The following FGFR1 variants were observed in gnomAD, a reference collection of about 807,000 sequenced individuals.
FGFR1 encodes the protein FGFR1/PLAG1 fusion.
FGFR1 carries 18 observed loss-of-function variants against 93.7 expected under a neutral mutation model. The observed-to-expected ratio is 0.19, with a 90% confidence interval of 0.13 to 0.28. The LOEUF (loss-of-function observed/expected upper bound fraction) is 0.28, where lower values mean the gene tolerates loss of function less well. Among genes scored for constraint, FGFR1 ranks in the 10% least tolerant of loss-of-function variants. The pLI is 1.00. For synonymous variants in FGFR1, 448 were observed against 429.3 expected (o/e 1.04, Z -0.54); for missense variants, 731 against 1,080.4 (o/e 0.68, Z 4.53).
At chr8:38,418,508 G>C (rs1423004663) in intron 9 of FGFR1, 135 bp from the exon 10 acceptor site, 1 of 1,132,394 alleles carries the variant, frequency 8.8e-7, no homozygotes, top group African/African-American at 1.5e-5. Context: ...AACACAGAGT[G>C]GTCCAAAGAC....
intron 2 of FGFR1, among the ~76,000 whole-genome samples, chr8:38,445,962 C>A (rs1053177857): frequency 6.6e-6 from 1 of 152,020 alleles, no homozygotes; most frequent in Non-Finnish European, 1.5e-5. Context: ...GGAAAATAAA[C>A]CTTAATTCCA....
chr8:38,422,953 T>G, intron 7 of FGFR1: 1 of 753,954 alleles, frequency 1.3e-6, no homozygotes, highest in Non-Finnish European at 2.5e-6. Flanking sequence ...AGTACTGGCT[T>G]CCCCGCCTGC....
intron 1 of FGFR1, chr8:38,465,867 G>C (rs1246985997): frequency 4.5e-6 from 1 of 223,210 alleles, no homozygotes; most frequent in Non-Finnish European, 8.9e-6. Flanking sequence ...GCAAAGGGTA[G>C]GGCACATCTG....
intron 12 of FGFR1, among the ~76,000 whole-genome samples, chr8:38,416,500 A>G (rs370352629): frequency 5.4e-5 from 7 of 129,018 alleles, no homozygotes; most frequent in African/African-American, 1.8e-4. Flanking sequence ...TCGTTGCCCA[A>G]GCTGGAGTGC....
chr8:38,424,743 C>T lies in FGFR1; in HGVS notation c.746-44G>A. On this transcript the variant is annotated intron_variant, in intron 6 of 17. Transcript: ENST00000447712. This position sits in a 1 kb window ranked among gnomAD's most constrained non-coding sequence, Gnocchi z 4.3. ...GAGGCACTTGTCATGGGGACCTTGC[C>T]ATGGCTAAAGAGGGGTGGGCTCACC... 6.3e-7 allele frequency: 1 copy of T among 1,593,374 alleles called. No homozygotes were observed. Among genetic ancestry groups the T allele is most frequent in the Non-Finnish European group, 8.6e-7 (1 of 1,166,254 alleles).
At chr8:38,433,575 T>A (rs1218463951) in intron 2 of FGFR1, among the ~76,000 whole-genome samples, 1 of 152,158 alleles carries the variant, frequency 6.6e-6, no homozygotes, top group Admixed American at 6.5e-5. Flanking sequence ...CCTTGCATCT[T>A]CAGTTAGCAA....
Position 38,429,248 on chromosome 8 carries a change from T to A in FGFR1, c.358+434A>T. On this transcript the variant is annotated intron_variant, in intron 3 of 17. Transcript: ENST00000447712. The surrounding 1 kb of genome is among the most constrained non-coding windows in gnomAD (Gnocchi z 4.4). ...TCGCACAGCTCCCTTGCGGTGCACC[T>A]GGGTTCCTCTCCAGCAGAGCAGGGA... The A allele has an allele frequency of 8.3e-6, 4 of 482,600 alleles. No homozygotes were observed. Among genetic ancestry groups the A allele is most frequent in the Non-Finnish European group, 1.6e-5 (4 of 243,314 alleles). 29.9% of individuals were successfully genotyped at this position (482,600 alleles called of 1,614,324 possible). A position where few individuals can be genotyped will look rare whatever the true frequency, so the allele number is the denominator to read the frequency against.
rs923197183 is a variant in FGFR1 at position 38,412,479 on chromosome 8, C to T, written c.*1149G>A. The T allele has an allele frequency of 4.3e-6, 1 of 232,760 alleles. No individual in the cohort carries two copies. The highest frequency in any genetic ancestry group is 2.2e-5 in the African/African-American group (1 of 45,324). The allele number at this position is 232,760 out of a possible 1,614,324, so 14.4% of individuals were successfully genotyped here. A position where few individuals can be genotyped will look rare whatever the true frequency, so the allele number is the denominator to read the frequency against. ...ATGGCTGCTGGGCCTTGACTCTCTG[C>T]CCAGCGCCTCTACTGCATGGATGGG... On this transcript the variant is annotated 3_prime_UTR_variant, in exon 18 of 18. Transcript: ENST00000447712.
chr8:38,441,404 A>AT (rs1420257310), intron 2 of FGFR1, among the ~76,000 whole-genome samples: 2 of 152,164 alleles, frequency 1.3e-5, no homozygotes, highest in Non-Finnish European at 2.9e-5. Flanking sequence ...TAATTAAGTG[A>AT]TTAACAAAGG....
rs17182148 is a variant in FGFR1 at position 38,458,602 on chromosome 8, G to C, written c.-88-1068C>G. ...CATCTAGGGCCAACCAGTCCCTCTG[G>C]TGAGAAATAAGGGGCAATGAAGAAT... On this transcript the variant is annotated intron_variant, in intron 1 of 17. Transcript: ENST00000447712. Among the ~76,000 whole-genome samples the C allele has an allele frequency of 4.3e-3, 659 of 152,224 alleles. 4 individuals are homozygous for C. Among genetic ancestry groups the C allele is most frequent in the Admixed American group, 7.3e-3 (111 of 15,282 alleles).
chr8:38,468,456 C>G lies in FGFR1; in HGVS notation c.-564G>C, dbSNP rs1475659887. ...GCGGCGCGCTCGCGGCCGGGGAAGG[C>G]GAGGTCGCCGCAATGCGCTACGAGG... On this transcript the variant is annotated 5_prime_UTR_variant, in exon 1 of 18. Transcript: ENST00000447712. The G allele has an allele frequency of 4.4e-6, 1 of 228,592 alleles. No individual in the cohort carries two copies. The highest frequency in any genetic ancestry group is 8.7e-6 in the Non-Finnish European group (1 of 114,968). The allele number at this position is 228,592 out of a possible 1,614,324, so 14.2% of individuals were successfully genotyped here.
intron 2 of FGFR1, among the ~76,000 whole-genome samples, chr8:38,436,603 G>C (rs1825522398): frequency 6.6e-6 from 1 of 151,966 alleles, no homozygotes; most frequent in Non-Finnish European, 1.5e-5. Context: ...GCTCCTTTTA[G>C]TGCGAGTGAC....
chr8:38,421,765 A>C, intron 8 of FGFR1, 32 bp downstream of exon 8: 1 of 1,613,224 alleles, frequency 6.2e-7, no homozygotes, highest in Non-Finnish European at 8.5e-7. Context: ...TGGCGAGGGC[A>C]GGACATCGAG....
intron 2 of FGFR1, among the ~76,000 whole-genome samples, chr8:38,442,898 G>A (rs555056621): frequency 2.6e-5 from 4 of 152,276 alleles, no homozygotes; most frequent in Admixed American, 2.0e-4. Context: ...CCATATCCCC[G>A]CAATCCCGTC....
chr8:38,436,209 T>C (rs1052994450), intron 2 of FGFR1, among the ~76,000 whole-genome samples: 1 of 152,052 alleles, frequency 6.6e-6, no homozygotes, highest in Non-Finnish European at 1.5e-5. Flanking sequence ...ACCCTGTCTC[T>C]GCGAAAAATA....
intron 2 of FGFR1, among the ~76,000 whole-genome samples, chr8:38,439,280 T>C (rs573652500): frequency 6.6e-6 from 1 of 152,160 alleles, no homozygotes; most frequent in Admixed American, 6.5e-5. Flanking sequence ...CATGGGGTGA[T>C]GAGGGGTGGC....
Position 38,457,374 on chromosome 8 carries a change from G to C in FGFR1, c.73C>G (p.Pro25Ala), listed in dbSNP as rs1833137533. 1.2e-6 allele frequency: 2 copies of C among 1,613,580 alleles called. No homozygotes were observed. Among genetic ancestry groups the C allele is most frequent in the East Asian group, 4.5e-5 (2 of 44,868 alleles). ...TATLCTARPS[P>A]TLPEQAQPWG... Reference sequence around the variant, plus strand: ...ACCTTACCTTGTTCAGGCAAGGTCGGGGACGGCCTAGCGGTGCAGAGTGTG... The same window carrying C: ...ACCTTACCTTGTTCAGGCAAGGTCGCGGACGGCCTAGCGGTGCAGAGTGTG... Residue 25 changes from proline (P) to alanine (A), a missense_variant, in exon 2 of 18, where the codon CCG becomes GCG. Physicochemically the swap from Pro to Ala is conservative, Grantham distance 27 (BLOSUM62 -1). Transcript: ENST00000447712.
intron 1 of FGFR1, among the ~76,000 whole-genome samples, chr8:38,462,453 G>A (rs752800089): frequency 5.9e-5 from 9 of 151,704 alleles, no homozygotes; most frequent in Admixed American, 2.6e-4. Flanking sequence ...GCAGTGAGCC[G>A]AGATTGCGCC....
Position 38,426,160 on chromosome 8 carries a change from T to C in FGFR1, c.707A>G (p.Tyr236Cys). 1.2e-6 allele frequency: 2 copies of C among 1,614,170 alleles called. No homozygotes were observed. Among genetic ancestry groups the C allele is most frequent in the East Asian group, 2.2e-5 (1 of 44,876 alleles). The change falls in exon 6 of 18, where the codon TAC becomes TGC. Residue 236 changes from tyrosine (Y) to cysteine (C), a missense_variant. Around this residue, in one of 10 missense-constraint regions of FGFR1, gnomAD observed 109 missense variants for 249.4 expected, o/e 0.44. Transcript: ENST00000447712. This position sits in a 1 kb window ranked among gnomAD's most constrained non-coding sequence, Gnocchi z 4.1. Reference protein sequence around the residue: ...GNYTCIVENEYGSINHTYQLD... With the variant: ...GNYTCIVENECGSINHTYQLD... ...CTGGTATGTGTGGTTGATGCTGCCGTACTCATTCTCCACAATGCAGGTGTA... is the reference window on the plus strand; with the variant it reads ...CTGGTATGTGTGGTTGATGCTGCCGCACTCATTCTCCACAATGCAGGTGTA...
Sources: gnomAD v4.1 joint callset for allele counts (sites outside exome capture counted in the v4.1 genomes callset) on GRCh38, gnomAD v4.1.1 for gene constraint, gnomAD v4.1.1 regional missense constraint, Gnocchi (gnomAD v3.1) non-coding constraint, MANE v1.5 for transcripts, NCBI Gene and HGNC (gene_info 2026-07-23, HGNC 2026-07-21) for gene names.